The following EXT1 variants were observed in gnomAD, a reference collection of about 807,000 sequenced individuals.
The protein encoded by EXT1 is exostosin-1.
EXT1 carries 20 observed loss-of-function variants against 82.5 expected under a neutral mutation model. The observed-to-expected ratio is 0.24, with a 90% confidence interval of 0.17 to 0.35. EXT1 has a LOEUF of 0.35. EXT1 is among the 10% of genes least tolerant of loss of function. The pLI, the probability that EXT1 is intolerant of heterozygous loss-of-function variation, is 1.00. For synonymous variants in EXT1, 348 were observed against 350.8 expected (o/e 0.99, Z 0.09); for missense variants, 757 against 936.5 (o/e 0.81, Z 2.50).
chr8:118,045,752 C>T (rs1816612718), intron 1 of EXT1, among the ~76,000 whole-genome samples: 1 of 151,816 alleles, frequency 6.6e-6, no homozygotes. Context: ...TGCCTTCTTA[C>T]TAGATAAGGG....
At chr8:118,086,099 A>G (rs557781062) in intron 1 of EXT1, among the ~76,000 whole-genome samples, 1 of 152,220 alleles carries the variant, frequency 6.6e-6, no homozygotes, top group Non-Finnish European at 1.5e-5. Context: ...TCATCTTTTA[A>G]AAATAAATAA....
At chr8:117,913,951 G>A (rs1248521328) in intron 1 of EXT1, among the ~76,000 whole-genome samples, 1 of 152,208 alleles carries the variant, frequency 6.6e-6, no homozygotes, top group South Asian at 2.1e-4. Context: ...TAGCTCTAAA[G>A]TTCTTCTATA....
At chr8:118,056,098 T>C (rs988052729) in intron 1 of EXT1, among the ~76,000 whole-genome samples, 1 of 152,122 alleles carries the variant, frequency 6.6e-6, no homozygotes, top group African/African-American at 2.4e-5. Context: ...ACAGAAAATA[T>C]CATAATGTTT....
chr8:117,847,156 C>A (rs192494014), intron 1 of EXT1, among the ~76,000 whole-genome samples: 1 of 152,256 alleles, frequency 6.6e-6, no homozygotes, highest in East Asian at 1.9e-4. Context: ...CAGTGTCCAC[C>A]AATTTGCATT....
At chr8:117,974,831 G>A (rs1447852496) in intron 1 of EXT1, among the ~76,000 whole-genome samples, 1 of 152,076 alleles carries the variant, frequency 6.6e-6, no homozygotes, top group Admixed American at 6.6e-5. Context: ...TGATCTATGA[G>A]CCAGTTTAAC....
chr8:117,799,486 T>G lies in EXT1; in HGVS notation c.*226A>C, dbSNP rs896514576. 1.7e-6 allele frequency: 1 copy of G among 585,208 alleles called. No individual in the cohort carries two copies. Among genetic ancestry groups the G allele is most frequent in the Non-Finnish European group, 3.0e-6 (1 of 327,970 alleles). The allele number at this position is 585,208 out of a possible 1,614,324, so 36.3% of individuals were successfully genotyped here. A position where few individuals can be genotyped will look rare whatever the true frequency, so the allele number is the denominator to read the frequency against. On this transcript the variant is annotated 3_prime_UTR_variant, in exon 11 of 11. Coordinates refer to ENST00000378204, the MANE Select transcript of EXT1 (RefSeq NM_000127.3). The stretch of plus-strand genomic sequence containing the variant: ...CATAATTAAACTGTACACAACCTAG[T>G]CTTGGGACACAGAAGCCAGTGAGGT...
intron 6 of EXT1, among the ~76,000 whole-genome samples, chr8:117,818,872 A>G (rs971300954): frequency 6.6e-5 from 10 of 152,222 alleles, no homozygotes; most frequent in African/African-American, 2.4e-4. Context: ...ATATCTTATG[A>G]TGGTGTGTGA....
At position 117,910,471 on chromosome 8, in the gene EXT1, A is replaced by T. The variant is rs554085581; in HGVS notation, c.963-73270T>A. 2.6e-5 allele frequency among the ~76,000 whole-genome samples: 4 copies of T among 152,306 alleles called. No homozygotes were observed. The South Asian group carries it at 8.3e-4, about 32-fold the overall frequency. ...AACAAAAACTTCCTGTGAGAGCTTG[A>T]GACTGCCGAAAACACATCTAGTTTT... On this transcript the variant is annotated intron_variant, in intron 1 of 10. Coordinates refer to ENST00000378204, the MANE Select transcript of EXT1 (RefSeq NM_000127.3).
At chr8:117,989,913 G>A (rs1224380350) in intron 1 of EXT1, among the ~76,000 whole-genome samples, 1 of 152,218 alleles carries the variant, frequency 6.6e-6, no homozygotes, top group Non-Finnish European at 1.5e-5. Flanking sequence ...ACCCAGACTG[G>A]AGGCGGGCAC....
intron 1 of EXT1, among the ~76,000 whole-genome samples, chr8:118,100,116 G>T (rs549440015): frequency 1.3e-5 from 2 of 152,246 alleles, no homozygotes; most frequent in African/African-American, 2.4e-5. Context: ...GTCTCCTCCA[G>T]GCCCTGGACG....
chr8:118,094,527 T>A (rs1255575337), intron 1 of EXT1, among the ~76,000 whole-genome samples: 1 of 152,236 alleles, frequency 6.6e-6, no homozygotes, highest in Admixed American at 6.5e-5. Flanking sequence ...ACAGACAGAA[T>A]AATAATGACA....
intron 1 of EXT1, among the ~76,000 whole-genome samples, chr8:117,871,828 A>G (rs1444468352): frequency 1.3e-5 from 2 of 152,054 alleles, no homozygotes; most frequent in African/African-American, 2.4e-5. Context: ...GGGGCCAAGG[A>G]ATTGGAGAAA....
At chr8:118,032,752 T>G (rs1297321817) in intron 1 of EXT1, among the ~76,000 whole-genome samples, 1 of 152,036 alleles carries the variant, frequency 6.6e-6, no homozygotes, top group Non-Finnish European at 1.5e-5. Flanking sequence ...TCAGGTGATC[T>G]GCCCGCCTCA....
At chr8:118,094,559 GTGT>G in intron 1 of EXT1, among the ~76,000 whole-genome samples, 1 of 152,334 alleles carries the variant, frequency 6.6e-6, no homozygotes, top group South Asian at 2.1e-4. Context: ...TTCTTATTGA[GTGT>G]TTACTATGTT....
chr8:117,823,626 T>C (rs929404493), intron 4 of EXT1, among the ~76,000 whole-genome samples: 2 of 152,082 alleles, frequency 1.3e-5, no homozygotes, highest in African/African-American at 4.8e-5. Context: ...TTAAATGGAG[T>C]TTTATTATTT....
chr8:118,057,782 T>C (rs1586368180), intron 1 of EXT1, among the ~76,000 whole-genome samples: 1 of 151,824 alleles, frequency 6.6e-6, no homozygotes, highest in Non-Finnish European at 1.5e-5. Context: ...GAGACCATCA[T>C]GGCCAACATG....
chr8:118,061,558 T>C (rs992286040), intron 1 of EXT1, among the ~76,000 whole-genome samples: 2 of 152,296 alleles, frequency 1.3e-5, no homozygotes, highest in African/African-American at 4.8e-5. Context: ...TTTACAAAAA[T>C]GTCCAAACAT....
At position 117,794,585 on chromosome 8, in the gene EXT1, T is replaced by C. The variant is rs1045706755; in HGVS notation, c.*5127A>G. 1 of 152,140 alleles carries C rather than the reference T, an allele frequency of 6.6e-6. No individual in the cohort carries two copies. Among genetic ancestry groups the C allele is most frequent in the Admixed American group, 6.5e-5 (1 of 15,270 alleles). 9.4% of individuals were successfully genotyped at this position (152,140 alleles called of 1,614,324 possible). A position where few individuals can be genotyped will look rare whatever the true frequency, so the allele number is the denominator to read the frequency against. ...GTGACACTCTCTATAAAACAATCTA[T>C]CTTGGATGGCGAAACCCAGACATAA... On this transcript the variant is annotated 3_prime_UTR_variant, in exon 11 of 11. Coordinates refer to ENST00000378204, the MANE Select transcript of EXT1 (RefSeq NM_000127.3).
intron 1 of EXT1, among the ~76,000 whole-genome samples, chr8:118,102,310 T>C (rs898481019): frequency 8.1e-5 from 12 of 148,402 alleles, no homozygotes; most frequent in Non-Finnish European, 1.5e-5. Context: ...AAAATGTAAA[T>C]GGTTAAACAA....
Sources: allele counts gnomAD v4.1 joint callset (sites outside exome capture counted in the v4.1 genomes callset), GRCh38; gene constraint gnomAD v4.1.1; transcripts MANE v1.5; gene names NCBI Gene and HGNC (gene_info 2026-07-23, HGNC 2026-07-21).